The following ACYP2 variants were observed in gnomAD, a reference collection of about 807,000 sequenced individuals.
The protein encoded by ACYP2 is acylphosphatase-2.
ACYP2 carries 12 observed loss-of-function variants against 11.2 expected under a neutral mutation model. The observed-to-expected ratio is 1.08, with a 90% CI of 0.69 to 1.74. The LOEUF is 1.74. ACYP2 is among the 40% of genes most tolerant of loss of function. The pLI is 0.00. For synonymous variants in ACYP2, 43 were observed against 32.2 expected, an observed-to-expected ratio of 1.33 and a Z score of -1.13; for missense variants, 134 against 101.9, an observed-to-expected ratio of 1.31 and a Z score of -1.35.
At chr2:54,177,489 C>A (rs896543813) in intron 6 of ACYP2, among the ~76,000 whole-genome samples, 1 of 152,138 alleles carries the variant, frequency 6.6e-6, no homozygotes, top group African/African-American at 2.4e-5. Flanking sequence ...CTTATCCTTG[C>A]CCACACCTTG....
intron 2 of ACYP2, among the ~76,000 whole-genome samples, chr2:54,040,565 T>G (rs568121918): frequency 1.3e-5 from 2 of 152,150 alleles, no homozygotes; most frequent in East Asian, 3.9e-4. Context: ...GTCAGAGAGA[T>G]GAACAGGACC....
Position 54,117,549 on chromosome 2 carries a change from C to A in ACYP2, c.278-17904C>A, listed in dbSNP as rs545962827. The stretch of plus-strand genomic sequence containing the variant: ...TTCAAGGGATCCTCCTGCACTTCGC[C>A]TCCCAAAGTGATGGGATTACAGGCG... On this transcript the variant is annotated intron_variant, in intron 4 of 6. Coordinates refer to ENST00000607452, the MANE Select transcript of ACYP2 (RefSeq NM_001320586.2). Among the ~76,000 whole-genome samples, 3 of 152,326 alleles carry A rather than the reference C, an allele frequency of 2.0e-5. No individual in the cohort carries two copies. The South Asian group carries it at 6.2e-4, about 32-fold the overall frequency.
intron 3 of ACYP2, among the ~76,000 whole-genome samples, chr2:54,054,641 TG>T (rs1384631049): frequency 1.3e-5 from 2 of 152,232 alleles, no homozygotes; most frequent in Non-Finnish European, 2.9e-5. Flanking sequence ...AAAGATTTCC[TG>T]GGTTAACTCT....
In ACYP2 at chr2:54,237,907, G is replaced by A. The variant is rs968261766; in HGVS notation, c.405-66781G>A. On this transcript the variant is annotated intron_variant, in intron 6 of 6. Coordinates refer to ENST00000607452, the MANE Select transcript of ACYP2 (RefSeq NM_001320586.2). ...TTCTGGACATGCATGAATGGGCCCCGGCAACCTATCTGACCCCATCCCCTG... is the reference window on the plus strand; with the variant it reads ...TTCTGGACATGCATGAATGGGCCCCAGCAACCTATCTGACCCCATCCCCTG... 5.9e-5 allele frequency among the ~76,000 whole-genome samples: 9 copies of A among 152,042 alleles called. No individual in the cohort carries two copies. The East Asian group carries it at 7.7e-4, about 13-fold the overall frequency.
chr2:54,128,493 C>G (rs1290423579), intron 4 of ACYP2, among the ~76,000 whole-genome samples: 1 of 152,008 alleles, frequency 6.6e-6, no homozygotes, highest in African/African-American at 2.4e-5. Context: ...CATAGTCAGA[C>G]TCCATCTCTA....
intron 2 of ACYP2, chr2:54,030,513 A>G (rs1674527143): frequency 6.4e-6 from 1 of 155,194 alleles, no homozygotes; most frequent in Non-Finnish European, 1.4e-5. Context: ...CTGGAGTGCT[A>G]TGCAGGCCTG....
chr2:54,219,805 G>T (rs56259752), intron 6 of ACYP2, among the ~76,000 whole-genome samples: 33,901 of 146,694 alleles, frequency 0.23, 4,104 homozygotes, highest in East Asian at 0.38. Context: ...GTGTGTGTGT[G>T]TGTGTTTGTG....
chr2:54,049,089 T>C lies in ACYP2; in HGVS notation c.63-1869T>C, dbSNP rs2104569243. On this transcript the variant is annotated intron_variant, in intron 2 of 6. Coordinates refer to ENST00000607452, the MANE Select transcript of ACYP2 (RefSeq NM_001320586.2). ...CAGCCTGGGAAACGTGGTGAAACCC[T>C]GTTTCTTCTAAAAATACAAAAATTA... is the stretch of plus-strand genomic sequence containing the variant. Among the ~76,000 whole-genome samples, 2 of 152,178 alleles carry C rather than the reference T, an allele frequency of 1.3e-5. 1 individual carries two copies. The highest frequency in any genetic ancestry group is 3.9e-4 in the East Asian group (2 of 5,172).
At chr2:53,992,035 C>T (rs973800556) in intron 2 of ACYP2, among the ~76,000 whole-genome samples, 6 of 151,654 alleles carry the variant, frequency 4.0e-5, no homozygotes, top group Admixed American at 1.3e-4. Context: ...TCCCTCCTTC[C>T]TTCCTCCCTC....
chr2:54,008,298 G>T (rs1283093293), intron 2 of ACYP2, among the ~76,000 whole-genome samples: 1 of 152,164 alleles, frequency 6.6e-6, no homozygotes, highest in African/African-American at 2.4e-5. Context: ...TTTTGGTTTT[G>T]ATTTCTCAGT....
intron 4 of ACYP2, among the ~76,000 whole-genome samples, chr2:54,116,481 A>AC (rs944136073): frequency 7.3e-6 from 1 of 136,752 alleles, no homozygotes; most frequent in African/African-American, 2.7e-5. Context: ...CCACCGAATT[A>AC]CCCCATTGTT....
chr2:54,300,725 A>G (rs1237039864), intron 6 of ACYP2, among the ~76,000 whole-genome samples: 3 of 152,210 alleles, frequency 2.0e-5, no homozygotes, highest in Non-Finnish European at 4.4e-5. Context: ...TCCTTATGAC[A>G]GTATGTTTGT....
chr2:54,123,354 G>C (rs1680268985), intron 4 of ACYP2: 3 of 398,470 alleles, frequency 7.5e-6, no homozygotes. Flanking sequence ...GAAAAAGTCA[G>C]GGAGGTTGTA....
chr2:54,166,856 C>T (rs17189659), intron 6 of ACYP2: 7,792 of 152,258 alleles, frequency 0.051, 250 homozygotes, highest in South Asian at 0.12. Flanking sequence ...ACAAGGCTAA[C>T]AGATGCAGCT....
At chr2:54,177,907 T>TTTTTTTC (rs1188671193) in intron 6 of ACYP2, among the ~76,000 whole-genome samples, 1 of 83,526 alleles carries the variant, frequency 1.2e-5, no homozygotes, top group African/African-American at 3.5e-5. Context: ...CTTTCTTTAT[T>TTTTTTTC]TTTTTTTTTT....
chr2:54,046,167 CAAA>C (rs36114622), intron 2 of ACYP2, among the ~76,000 whole-genome samples: 103 of 55,846 alleles, frequency 1.8e-3, no homozygotes, highest in African/African-American at 6.6e-3. Flanking sequence ...CAGACCCTGT[CAAA>C]AAAAAAAAAA....
intron 6 of ACYP2, among the ~76,000 whole-genome samples, chr2:54,239,421 A>C (rs2103981853): frequency 6.6e-6 from 1 of 152,322 alleles, no homozygotes; most frequent in Non-Finnish European, 1.5e-5. Context: ...GAAGTCATCA[A>C]CCTAGAGCCT....
Position 54,130,552 on chromosome 2 carries a change from G to T in ACYP2, c.278-4901G>T, listed in dbSNP as rs544413737. ...TTTATGGAGAATACACTGTAAGGGG[G>T]GCAGAATTGGAAGCAGGGAGGCTAG... is the stretch of plus-strand genomic sequence containing the variant. On this transcript the variant is annotated intron_variant, in intron 4 of 6. Coordinates refer to ENST00000607452, the MANE Select transcript of ACYP2 (RefSeq NM_001320586.2). Among the ~76,000 whole-genome samples the T allele has an allele frequency of 3.3e-5, 5 of 152,274 alleles. No individual in the cohort carries two copies. In the South Asian group the frequency reaches 1.0e-3, roughly 32 times the overall value.
intron 6 of ACYP2, among the ~76,000 whole-genome samples, chr2:54,219,723 A>G (rs951063206): frequency 1.3e-5 from 2 of 151,670 alleles, no homozygotes; most frequent in African/African-American, 4.8e-5. Context: ...GGTTCAAGCA[A>G]TTCTCCTGCC....
Sources: allele counts gnomAD v4.1 joint callset (sites outside exome capture counted in the v4.1 genomes callset), GRCh38; gene constraint gnomAD v4.1.1; transcripts MANE v1.5; gene names NCBI Gene and HGNC (gene_info 2026-07-23, HGNC 2026-07-21).